Variants in NKAIN1 observed in about 807,000 individuals in gnomAD.
NKAIN1 encodes sodium/potassium-transporting ATPase subunit beta-1-interacting protein 1.
In NKAIN1, 13 loss-of-function variants were observed where a neutral mutation model predicts 31.6. The ratio of observed to expected loss-of-function variants is 0.41; its 90% CI spans 0.27 to 0.65. NKAIN1 has a LOEUF of 0.65. Ranked by LOEUF, NKAIN1 falls within the 30% of genes least tolerant of loss-of-function variation. NKAIN1 has a pLI of 0.30. For missense variants in NKAIN1, 193 were observed against 262.2 expected (o/e 0.74, Z 1.82); for synonymous variants, 104 against 109.0 (o/e 0.95, Z 0.28).
At chr1:31,205,449 CG>C (rs1645416302) in intron 1 of NKAIN1, among the ~76,000 whole-genome samples, 2 of 152,014 alleles carry the variant, frequency 1.3e-5, no homozygotes, top group South Asian at 4.1e-4. Context: ...GCCACAACTA[CG>C]GGCACGCCCC....
chr1:31,197,169 T>A (rs1645334112), intron 1 of NKAIN1, among the ~76,000 whole-genome samples: 2 of 150,672 alleles, frequency 1.3e-5, no homozygotes. Context: ...TGGAGTGCAG[T>A]GGCACAATCT....
At chr1:31,215,110 C>T (rs549647622) in intron 1 of NKAIN1, among the ~76,000 whole-genome samples, 2 of 152,160 alleles carry the variant, frequency 1.3e-5, no homozygotes, top group African/African-American at 2.4e-5. Flanking sequence ...ACTTATTTAG[C>T]GGCAGCTCCT....
At chr1:31,198,829 G>A (rs1168077570) in intron 1 of NKAIN1, among the ~76,000 whole-genome samples, 3 of 152,002 alleles carry the variant, frequency 2.0e-5, no homozygotes, top group African/African-American at 7.3e-5. Flanking sequence ...TTCTCAGTAG[G>A]ATGCTCTTGT....
intron 1 of NKAIN1, among the ~76,000 whole-genome samples, chr1:31,227,122 G>T (rs1242318766): frequency 6.6e-6 from 1 of 152,182 alleles, no homozygotes; most frequent in African/African-American, 2.4e-5. Context: ...ACTGTGCCCA[G>T]CCAAAGGAAA....
chr1:31,184,134 C>T, intron 3 of NKAIN1, 120 bp from the exon 4 acceptor site: 2 of 771,702 alleles, frequency 2.6e-6, no homozygotes, highest in Non-Finnish European at 4.1e-6. Flanking sequence ...ACCTGCAAGT[C>T]CATATTTGAC....
At chr1:31,199,431 C>T (rs1645359638) in intron 1 of NKAIN1, among the ~76,000 whole-genome samples, 1 of 152,118 alleles carries the variant, frequency 6.6e-6, no homozygotes, top group African/African-American at 2.4e-5. Flanking sequence ...CCCCCTTTTC[C>T]CAATGGATTT....
intron 1 of NKAIN1, among the ~76,000 whole-genome samples, chr1:31,214,209 T>C (rs966989133): frequency 6.6e-6 from 1 of 152,036 alleles, no homozygotes; most frequent in African/African-American, 2.4e-5. Flanking sequence ...ATTCCACTTA[T>C]ACAAAATGTC....
At chr1:31,236,299 C>T (rs1187598510) in intron 1 of NKAIN1, among the ~76,000 whole-genome samples, 1 of 152,220 alleles carries the variant, frequency 6.6e-6, no homozygotes, top group Non-Finnish European at 1.5e-5. Flanking sequence ...TCACACCTCA[C>T]TCCCTCACCC....
chr1:31,187,091 G>C (rs1338069520), intron 2 of NKAIN1, among the ~76,000 whole-genome samples: 1 of 152,182 alleles, frequency 6.6e-6, no homozygotes, highest in Non-Finnish European at 1.5e-5. Context: ...TGTCAGATGA[G>C]AGAGAGCCTT....
rs1481910365 is a variant in NKAIN1, at chr1:31,185,310, C to A, written c.210G>T (p.Val70=). The A allele has an allele frequency of 6.2e-7, 1 of 1,609,902 alleles. No individual in the cohort carries two copies. The highest frequency in any genetic ancestry group is 8.5e-7 in the Non-Finnish European group (1 of 1,177,950). The stretch of plus-strand genomic sequence containing the variant: ...TAAATGCATTCCAGCCAACCCAGAG[C>A]ACCAGCCAGGCTGCATACTGGGGAA... ...RYLILYAAWL[V]LWVGWNAFII... The change falls in exon 3 of 7, where the codon GTG becomes GTT. Residue 70 remains valine, a synonymous_variant. Coordinates refer to ENST00000373736, the MANE Select transcript of NKAIN1 (RefSeq NM_024522.3).
In NKAIN1 at chr1:31,180,445, C is replaced by T. The variant is rs974348377; in HGVS notation, c.*1258G>A. The T allele has an allele frequency of 6.6e-6, 1 of 152,286 alleles. No homozygotes were observed. The highest frequency in any genetic ancestry group is 1.5e-5 in the Non-Finnish European group (1 of 68,124). The allele number at this position is 152,286 out of a possible 1,614,324, so 9.4% of individuals were successfully genotyped here. On this transcript the variant is annotated 3_prime_UTR_variant, in exon 7 of 7. Transcript: ENST00000373736. ...GTGAGGGTGCTGGCAATCCCGACTC[C>T]CCGACTACTCACACCCCCATCTGCC...
At chr1:31,232,416 TATATATATAGAGAGAG>T (rs1645658071) in intron 1 of NKAIN1, among the ~76,000 whole-genome samples, 2 of 34,272 alleles carry the variant, frequency 5.8e-5, no homozygotes, top group Non-Finnish European at 1.1e-4. Flanking sequence ...TATATATATA[TATATATATAGAGAGAG>T]AGAGAGAGAG....
intron 1 of NKAIN1, among the ~76,000 whole-genome samples, chr1:31,204,495 G>A (rs536080856): frequency 6.6e-6 from 1 of 152,246 alleles, no homozygotes; most frequent in Non-Finnish European, 1.5e-5. Context: ...CCATCTCCCA[G>A]ATGCCGGGAC....
At chr1:31,230,244 A>G (rs530725798) in intron 1 of NKAIN1, among the ~76,000 whole-genome samples, 1 of 152,190 alleles carries the variant, frequency 6.6e-6, no homozygotes, top group South Asian at 2.1e-4. Context: ...TTTTATTTCA[A>G]AGGAGCCTCC....
At chr1:31,198,633 C>T (rs1403601272) in intron 1 of NKAIN1, among the ~76,000 whole-genome samples, 1 of 152,146 alleles carries the variant, frequency 6.6e-6, no homozygotes, top group African/African-American at 2.4e-5. Context: ...TGCCCTCCAC[C>T]CTACTTCAAA....
chr1:31,216,980 C>T (rs1294226591), intron 1 of NKAIN1, among the ~76,000 whole-genome samples: 4 of 152,196 alleles, frequency 2.6e-5, no homozygotes, highest in Non-Finnish European at 5.9e-5. Context: ...ATTCTCCCGC[C>T]TCAACCTCCC....
At chr1:31,235,896 A>G (rs1645689487) in intron 1 of NKAIN1, among the ~76,000 whole-genome samples, 1 of 152,154 alleles carries the variant, frequency 6.6e-6, no homozygotes, top group African/African-American at 2.4e-5. Context: ...CAGTCCACAA[A>G]GGACAGTGCA....
At position 31,182,341 on chromosome 1, in the gene NKAIN1, C is replaced by T. The variant is rs2297958; in HGVS notation, c.532+189G>A. On this transcript the variant is annotated intron_variant, in intron 5 of 6. Transcript: ENST00000373736. ...GGTGCTGGGGCCAGGGACTGGGCAC[C>T]TGGACGTCTGGACCCCAGCCTGGAA... is the stretch of plus-strand genomic sequence containing the variant. Among the ~76,000 whole-genome samples, 611 of 152,230 alleles carry T rather than the reference C, an allele frequency of 4.0e-3. 38 individuals carry two copies. In the East Asian group the frequency reaches 0.098, roughly 24 times the overall value.
At chr1:31,237,976 T>C (rs1314281886) in intron 1 of NKAIN1, among the ~76,000 whole-genome samples, 2 of 152,126 alleles carry the variant, frequency 1.3e-5, no homozygotes, top group Non-Finnish European at 2.9e-5. Flanking sequence ...TTCCTCAAAG[T>C]AGATAAAGAA....
Sources: gnomAD v4.1 joint callset for allele counts (sites outside exome capture counted in the v4.1 genomes callset) on GRCh38, gnomAD v4.1.1 for gene constraint, MANE v1.5 for transcripts, NCBI Gene and HGNC (gene_info 2026-07-23, HGNC 2026-07-21) for gene names.